ANXA10: variants seen among roughly 807,000 people sequenced by gnomAD.
ANXA10 encodes annexin 14.
ANXA10 carries 49 observed loss-of-function variants against 53.5 expected under a neutral mutation model. The observed-to-expected ratio is 0.92, with a 90% CI of 0.73 to 1.16. ANXA10 has a LOEUF of 1.16. ANXA10 is among the 50% of genes most tolerant of loss of function. ANXA10 has a pLI of 0.00. For missense variants in ANXA10, 393 were observed against 394.4 expected (o/e 1.00, Z 0.03); for synonymous variants, 131 against 128.9 (o/e 1.02, Z -0.11).
At chr4:168,098,836 T>C (rs971559875) in intron 1 of ANXA10, among the ~76,000 whole-genome samples, 3 of 151,970 alleles carry the variant, frequency 2.0e-5, no homozygotes, top group Admixed American at 6.6e-5. Context: ...GTACAAAACA[T>C]AAAAGTAAAT....
chr4:168,155,387 GTATTATA>G (rs1460468143), intron 3 of ANXA10, among the ~76,000 whole-genome samples: 2 of 53,700 alleles, frequency 3.7e-5, no homozygotes, highest in Non-Finnish European at 3.2e-5. Context: ...TATATTGAAT[GTATTATA>G]TATTATATAT....
chr4:168,096,077 G>A (rs1419441043), intron 1 of ANXA10, among the ~76,000 whole-genome samples: 6 of 152,064 alleles, frequency 3.9e-5, no homozygotes, highest in Non-Finnish European at 5.9e-5. Flanking sequence ...ATGTAGTGAA[G>A]GAAAAGCACT....
At chr4:168,177,087 T>C (rs1316806215) in intron 6 of ANXA10, among the ~76,000 whole-genome samples, 1 of 152,140 alleles carries the variant, frequency 6.6e-6, no homozygotes, top group Non-Finnish European at 1.5e-5. Context: ...CTCCCCTCCA[T>C]ATCTTGACCC....
intron 6 of ANXA10, among the ~76,000 whole-genome samples, chr4:168,175,045 G>A (rs1204897862): frequency 6.6e-6 from 1 of 152,102 alleles, no homozygotes; most frequent in African/African-American, 2.4e-5. Context: ...ATCAAGAGAA[G>A]AAATGTAAAT....
intron 1 of ANXA10, among the ~76,000 whole-genome samples, chr4:168,120,539 TGTG>T (rs138987224): frequency 0.023 from 3,569 of 152,196 alleles, 132 homozygotes; most frequent in African/African-American, 0.077. Flanking sequence ...GTTGGACAAT[TGTG>T]GTCATTATGG....
At chr4:168,157,385 A>C (rs1731705496) in intron 3 of ANXA10, among the ~76,000 whole-genome samples, 1 of 151,948 alleles carries the variant, frequency 6.6e-6, no homozygotes, top group Non-Finnish European at 1.5e-5. Context: ...CTCCTGACTC[A>C]GCCTCCCGAG....
chr4:168,174,732 C>A (rs116028284), intron 6 of ANXA10, among the ~76,000 whole-genome samples: 1 of 152,238 alleles, frequency 6.6e-6, no homozygotes, highest in South Asian at 2.1e-4. Flanking sequence ...CGAAGAAAAA[C>A]GGAATCAAAT....
chr4:168,133,813 G>A (rs571139733), intron 2 of ANXA10, among the ~76,000 whole-genome samples: 13 of 152,146 alleles, frequency 8.5e-5, no homozygotes, highest in Non-Finnish European at 1.3e-4. Context: ...CACATACAAT[G>A]AGTCACTTGT....
At chr4:168,109,817 A>G (rs1032948364) in intron 1 of ANXA10, among the ~76,000 whole-genome samples, 13 of 152,246 alleles carry the variant, frequency 8.5e-5, no homozygotes, top group Non-Finnish European at 4.4e-5. Context: ...AGAAATTAAA[A>G]ATTACCTTTA....
At chr4:168,162,677 T>C (rs1731807361) in intron 4 of ANXA10, 36 bp downstream of exon 4, 7 of 1,544,260 alleles carry the variant, frequency 4.5e-6, no homozygotes, top group African/African-American at 1.4e-5. Context: ...CTGTAACAAG[T>C]ACAGGCCAGT....
intron 6 of ANXA10, among the ~76,000 whole-genome samples, chr4:168,174,920 T>C (rs996278008): frequency 1.3e-5 from 2 of 152,220 alleles, no homozygotes; most frequent in Non-Finnish European, 2.9e-5. Flanking sequence ...GGAATATACA[T>C]ATCTGAAGTT....
intron 3 of ANXA10, among the ~76,000 whole-genome samples, chr4:168,143,894 C>G (rs1273984043): frequency 6.6e-6 from 1 of 152,034 alleles, no homozygotes; most frequent in Non-Finnish European, 1.5e-5. Context: ...CTCAATGGAG[C>G]AAACACTCAG....
chr4:168,121,311 AG>A (rs1730981818), intron 1 of ANXA10, among the ~76,000 whole-genome samples: 1 of 152,122 alleles, frequency 6.6e-6, no homozygotes. Context: ...GAATTTTGTT[AG>A]ACTTTTATGA....
Position 168,165,266 on chromosome 4 carries a change from A to G in ANXA10, c.420A>G (p.Gln140=), listed in dbSNP as rs1731855246. The change falls in exon 6 of 12, where the codon CAA becomes CAG. Residue 140 remains glutamine, a synonymous_variant. Coordinates refer to ENST00000359299, the MANE Select transcript of ANXA10 (RefSeq NM_007193.5). The part of the protein sequence containing the change: ...AYCLQYSNNL[Q]EDIYSETSGH... ...ATACAGAATACAGCAATAACCTCCA[A>G]GAGGACATTTATTCAGAGACCTCAG... 2 of 1,591,186 alleles carry G rather than the reference A, an allele frequency of 1.3e-6. No homozygotes were observed. Among genetic ancestry groups the G allele is most frequent in the Non-Finnish European group, 8.6e-7 (1 of 1,164,126 alleles).
At chr4:168,120,959 G>T (rs150706688) in intron 1 of ANXA10, among the ~76,000 whole-genome samples, 4 of 151,800 alleles carry the variant, frequency 2.6e-5, no homozygotes, top group African/African-American at 9.7e-5. Context: ...AGCTACTTTG[G>T]CCCATAAGGA....
chr4:168,181,937 T>C (rs1732256750), intron 10 of ANXA10, among the ~76,000 whole-genome samples, 196 bp downstream of exon 10: 1 of 152,236 alleles, frequency 6.6e-6, no homozygotes, highest in Admixed American at 6.5e-5. Context: ...TTCTGCTTTC[T>C]GTATCAAATT....
chr4:168,156,347 T>A lies in ANXA10; in HGVS notation c.196-6181T>A, dbSNP rs550907208. 4.9e-3 allele frequency among the ~76,000 whole-genome samples: 512 copies of A among 103,574 alleles called. 3 individuals are homozygous for A. The highest frequency in any genetic ancestry group is 8.0e-3 in the Non-Finnish European group (424 of 52,802). The allele number at this position is 103,574 out of a possible 152,430, so 67.9% of individuals were successfully genotyped here. On this transcript the variant is annotated intron_variant, in intron 3 of 11. Transcript: ENST00000359299. The stretch of plus-strand genomic sequence containing the variant: ...TATAATATATTATATAGTATATATG[T>A]TATATAATATATTATATAGTATATA...
intron 1 of ANXA10, among the ~76,000 whole-genome samples, chr4:168,109,072 C>T (rs548071140): frequency 6.6e-6 from 1 of 152,304 alleles, no homozygotes; most frequent in African/African-American, 2.4e-5. Context: ...CATCAGGTTA[C>T]AGCCTCAGTG....
intron 3 of ANXA10, among the ~76,000 whole-genome samples, chr4:168,151,581 G>T (rs951883772): frequency 7.9e-5 from 12 of 152,180 alleles, no homozygotes; most frequent in Admixed American, 3.3e-4. Context: ...GAAAGCAGAG[G>T]CAGTCCAGCT....
Sources: gnomAD v4.1 joint callset for allele counts (sites outside exome capture counted in the v4.1 genomes callset) on GRCh38, gnomAD v4.1.1 for gene constraint, MANE v1.5 for transcripts, NCBI Gene and HGNC (gene_info 2026-07-23, HGNC 2026-07-21) for gene names.